Variants in UCK2 observed in about 807,000 individuals in gnomAD.
UCK2 encodes the protein uridine-cytidine kinase 2.
Under a neutral mutation model 30.8 loss-of-function variants are expected in UCK2, and 6 were observed. The ratio of observed to expected loss-of-function variants is 0.19; its 90% CI spans 0.11 to 0.38. The LOEUF is 0.38. UCK2 is among the 10% of genes least tolerant of loss of function. The pLI is 1.00. For synonymous variants in UCK2, 125 were observed against 133.6 expected, an observed-to-expected ratio of 0.94 and a Z score of 0.45; for missense variants, 210 against 339.8, an observed-to-expected ratio of 0.62 and a Z score of 3.00.
intron 1 of UCK2, among the ~76,000 whole-genome samples, chr1:165,845,529 C>A (rs1372767628): frequency 1.3e-5 from 2 of 152,130 alleles, no homozygotes; most frequent in Non-Finnish European, 2.9e-5. Context: ...AGCTGTGTAA[C>A]AATTAACTGG....
intron 1 of UCK2, among the ~76,000 whole-genome samples, chr1:165,865,194 G>A (rs1003744895): frequency 6.6e-6 from 1 of 152,152 alleles, no homozygotes; most frequent in Admixed American, 6.5e-5. Context: ...GCAATGACGG[G>A]CATCTTCCTA....
At chr1:165,897,115 C>T (rs1035161875) in intron 4 of UCK2, among the ~76,000 whole-genome samples, 14 of 151,974 alleles carry the variant, frequency 9.2e-5, no homozygotes, top group East Asian at 5.8e-4. Context: ...TGGCTTGTTC[C>T]GAGAGTGGCA....
intron 1 of UCK2, among the ~76,000 whole-genome samples, chr1:165,869,156 G>A (rs927513894): frequency 6.6e-6 from 1 of 152,026 alleles, no homozygotes; most frequent in Admixed American, 6.6e-5. Context: ...GTGGCACCCC[G>A]AAATAATTAC....
chr1:165,876,334 A>T (rs998906305), intron 1 of UCK2, among the ~76,000 whole-genome samples: 12 of 152,228 alleles, frequency 7.9e-5, no homozygotes, highest in African/African-American at 2.2e-4. Context: ...CAGTAGATTA[A>T]GTCCTGTGCT....
intron 1 of UCK2, among the ~76,000 whole-genome samples, chr1:165,854,745 C>T (rs1654685325): frequency 6.6e-6 from 1 of 152,138 alleles, no homozygotes. Context: ...GCTGAAGCAG[C>T]TCCCCCACTC....
rs749608423 is a variant in UCK2, at chr1:165,905,907, G to C, written c.598-14G>C. The stretch of plus-strand genomic sequence containing the variant: ...TTAACTGTATTAATGCATATTAACT[G>C]TCTTTCTCCACAGACAAAGAAGTAT... On this transcript the variant is annotated splice_polypyrimidine_tract_variant and intron_variant, in intron 5 of 6. Transcript: ENST00000367879. The C allele has an allele frequency of 7.4e-6, 12 of 1,613,134 alleles. No individual in the cohort carries two copies. The South Asian group carries it at 1.3e-4, about 18-fold the overall frequency.
At chr1:165,846,650 G>C (rs1419891694) in intron 1 of UCK2, among the ~76,000 whole-genome samples, 1 of 152,170 alleles carries the variant, frequency 6.6e-6, no homozygotes. Flanking sequence ...ACATTTCACT[G>C]GGGAGAGTGT....
chr1:165,833,191 C>G lies in UCK2; in HGVS notation c.99+5259C>G, dbSNP rs10800161. On this transcript the variant is annotated intron_variant, in intron 1 of 6. Transcript: ENST00000367879. ...TCCACACCTTCCTGTCAGGTGTTCC[C>G]AGGACTGTGGGGCTGGTTTGGTCCT... Among the ~76,000 whole-genome samples, 1,398 of 152,308 alleles carry G rather than the reference C, an allele frequency of 9.2e-3. 42 individuals are homozygous for G. The highest frequency in any genetic ancestry group is 0.067 in the East Asian group (347 of 5,182).
At chr1:165,836,940 T>C (rs780083471) in intron 1 of UCK2, among the ~76,000 whole-genome samples, 42 of 152,236 alleles carry the variant, frequency 2.8e-4, no homozygotes, top group Admixed American at 5.2e-4. Flanking sequence ...GGTCATCCCG[T>C]CCTGGAAGGC....
chr1:165,834,082 A>T (rs962094640), intron 1 of UCK2, among the ~76,000 whole-genome samples: 1 of 152,176 alleles, frequency 6.6e-6, no homozygotes, highest in African/African-American at 2.4e-5. Context: ...TTTTATTTTT[A>T]AAAATCTTGT....
intron 1 of UCK2, among the ~76,000 whole-genome samples, chr1:165,846,003 G>A (rs929046725): frequency 1.3e-5 from 2 of 152,166 alleles, no homozygotes; most frequent in Non-Finnish European, 2.9e-5. Flanking sequence ...GCCCTGCAAA[G>A]AAAGTTGACC....
At chr1:165,898,721 T>G (rs1468688235) in intron 4 of UCK2, among the ~76,000 whole-genome samples, 1 of 152,248 alleles carries the variant, frequency 6.6e-6, no homozygotes, top group Non-Finnish European at 1.5e-5. Flanking sequence ...CGGTGTGGTT[T>G]CAACAGAACA....
At chr1:165,850,926 AATTTT>A (rs1302749050) in intron 1 of UCK2, among the ~76,000 whole-genome samples, 7 of 91,490 alleles carry the variant, frequency 7.7e-5, no homozygotes, top group Admixed American at 4.8e-4. Context: ...CTGGCCTTTA[AATTTT>A]TTTTTTTTTT....
rs147569743 is a variant in UCK2 at position 165,844,008 on chromosome 1, G to A, written c.99+16076G>A. On this transcript the variant is annotated intron_variant, in intron 1 of 6. Coordinates refer to ENST00000367879, the MANE Select transcript of UCK2 (RefSeq NM_012474.5). ...CTATATACTGAGTGCTATTCTAAGT[G>A]TTTTATTTGTATTAATGCCTTTATT... 2.2e-4 allele frequency among the ~76,000 whole-genome samples: 33 copies of A among 152,266 alleles called. No homozygotes were observed. The East Asian group carries it at 6.0e-3, about 28-fold the overall frequency.
chr1:165,861,262 AACACAGGCATTTTAGGGGG>A (rs1387119844), intron 1 of UCK2, among the ~76,000 whole-genome samples: 2 of 152,166 alleles, frequency 1.3e-5, no homozygotes, highest in African/African-American at 4.8e-5. Flanking sequence ...ATTAAGTTTC[AACACAGGCATTTTAGGGGG>A]ACACAGGCAT....
At chr1:165,843,795 A>G (rs1654383746) in intron 1 of UCK2, among the ~76,000 whole-genome samples, 2 of 152,300 alleles carry the variant, frequency 1.3e-5, no homozygotes, top group African/African-American at 4.8e-5. Flanking sequence ...TCTTAATCAG[A>G]AGTAACACAT....
intron 1 of UCK2, among the ~76,000 whole-genome samples, chr1:165,849,803 G>C (rs1654543479): frequency 1.3e-5 from 2 of 152,160 alleles, no homozygotes; most frequent in Admixed American, 1.3e-4. Flanking sequence ...GGAATGAGTA[G>C]CAGAGGGTTT....
At position 165,827,857 on chromosome 1, in the gene UCK2, C is replaced by A; in HGVS notation, c.24C>A (p.Thr8=). 1 of 1,472,206 alleles carries A rather than the reference C, an allele frequency of 6.8e-7. No homozygotes were observed. The highest frequency in any genetic ancestry group is 9.1e-7 in the Non-Finnish European group (1 of 1,104,676). The allele number at this position is 1,472,206 out of a possible 1,614,324, so 91.2% of individuals were successfully genotyped here. A position where few individuals can be genotyped will look rare whatever the true frequency, so the allele number is the denominator to read the frequency against. The change falls in exon 1 of 7, where the codon ACC becomes ACA. Residue 8 remains threonine, a synonymous_variant. Transcript: ENST00000367879. MAGDSEQ[T]LQNHQQPNGG... Reference sequence around the variant, plus strand: ...CCATGGCCGGGGACAGCGAGCAGACCCTGCAGAACCACCAGCAGCCCAACG... The same window carrying A: ...CCATGGCCGGGGACAGCGAGCAGACACTGCAGAACCACCAGCAGCCCAACG...
At chr1:165,871,412 A>T (rs866381987) in intron 1 of UCK2, among the ~76,000 whole-genome samples, 1 of 152,204 alleles carries the variant, frequency 6.6e-6, no homozygotes, top group Non-Finnish European at 1.5e-5. Context: ...GAGGGTTGAA[A>T]GCAGGTCCTG....
Sources: gnomAD v4.1 joint callset for allele counts (sites outside exome capture counted in the v4.1 genomes callset) on GRCh38, gnomAD v4.1.1 for gene constraint, MANE v1.5 for transcripts, NCBI Gene and HGNC (gene_info 2026-07-23, HGNC 2026-07-21) for gene names.